The following MCHR2 variants were observed in gnomAD, a reference collection of about 807,000 sequenced individuals.
MCHR2 encodes the protein melanin concentrating hormone receptor 2.
In MCHR2, 15 loss-of-function variants were observed where a neutral mutation model predicts 24.8. That is an observed-to-expected ratio of 0.60 (90% CI 0.40 to 0.93). The LOEUF is 0.93. Ranked by LOEUF, MCHR2 falls within the 40% of genes least tolerant of loss-of-function variation. The pLI is 0.00. For synonymous variants in MCHR2, 151 were observed against 147.6 expected (o/e 1.02, Z -0.17); for missense variants, 386 against 408.7 (o/e 0.94, Z 0.48).
At chr6:99,964,816 TGGATG>T (rs1249875185) in intron 1 of MCHR2, among the ~76,000 whole-genome samples, 1 of 152,094 alleles carries the variant, frequency 6.6e-6, no homozygotes, top group Non-Finnish European at 1.5e-5. Context: ...TATATAGCAC[TGGATG>T]GGAACAGACT....
At chr6:99,985,258 C>A (rs566211563) in intron 1 of MCHR2, among the ~76,000 whole-genome samples, 1 of 152,038 alleles carries the variant, frequency 6.6e-6, no homozygotes, top group Non-Finnish European at 1.5e-5. Flanking sequence ...CTGCCCAAAA[C>A]AATCTACAGA....
At chr6:99,988,895 AT>A (rs1775815393) in intron 1 of MCHR2, among the ~76,000 whole-genome samples, 1 of 152,182 alleles carries the variant, frequency 6.6e-6, no homozygotes, top group South Asian at 2.1e-4. Context: ...CTCTTCCAGA[AT>A]GGCCATCAGG....
chr6:99,931,501 G>T (rs2114499875), intron 5 of MCHR2, among the ~76,000 whole-genome samples: 1 of 152,274 alleles, frequency 6.6e-6, no homozygotes, highest in South Asian at 2.1e-4. Context: ...CCCAGTTCGA[G>T]CTTCCAGGCT....
At chr6:99,956,297 TC>T in intron 1 of MCHR2, 123 bp from the exon 2 acceptor site, 1 of 678,660 alleles carries the variant, frequency 1.5e-6, no homozygotes, top group Non-Finnish European at 2.4e-6. Context: ...GAACACAGGA[TC>T]CCAGGGTGAG....
chr6:99,921,687 G>A (rs1383234018), intron 5 of MCHR2, among the ~76,000 whole-genome samples: 3 of 152,100 alleles, frequency 2.0e-5, no homozygotes, highest in Admixed American at 2.0e-4. Flanking sequence ...TAGTCACCTT[G>A]TTGTGCTATC....
chr6:99,940,950 G>A (rs1014229165), intron 4 of MCHR2, among the ~76,000 whole-genome samples: 32 of 152,064 alleles, frequency 2.1e-4, no homozygotes, highest in African/African-American at 7.7e-4. Context: ...TGTCTCCTTT[G>A]GCTGAGTTAC....
At chr6:99,926,546 A>G (rs566166802) in intron 5 of MCHR2, among the ~76,000 whole-genome samples, 13 of 152,124 alleles carry the variant, frequency 8.5e-5, no homozygotes, top group Non-Finnish European at 1.5e-4. Flanking sequence ...GTGAGATGGT[A>G]TCTCATTGTG....
At chr6:99,943,323 T>G (rs1355767125) in intron 3 of MCHR2, among the ~76,000 whole-genome samples, 180 bp from the exon 4 acceptor site, 1 of 150,446 alleles carries the variant, frequency 6.6e-6, no homozygotes, top group Non-Finnish European at 1.5e-5. Flanking sequence ...TTTTTTTAAA[T>G]TTTTATTTAT....
chr6:99,971,742 C>T (rs894634764), intron 1 of MCHR2, among the ~76,000 whole-genome samples: 1 of 152,156 alleles, frequency 6.6e-6, no homozygotes. Flanking sequence ...CCCACCAATA[C>T]CTAATTTATT....
intron 1 of MCHR2, among the ~76,000 whole-genome samples, chr6:99,972,815 A>T (rs542330699): frequency 2.0e-5 from 3 of 152,038 alleles, no homozygotes; most frequent in African/African-American, 7.2e-5. Flanking sequence ...TCATTTTGTT[A>T]TGTACCCAGT....
chr6:99,944,077 T>A (rs1582382940), intron 3 of MCHR2, among the ~76,000 whole-genome samples: 2 of 152,190 alleles, frequency 1.3e-5, no homozygotes, highest in South Asian at 4.1e-4. Context: ...GTATGGCTAG[T>A]ATAGACAATG....
At chr6:99,971,181 T>A (rs1369539996) in intron 1 of MCHR2, among the ~76,000 whole-genome samples, 2 of 152,250 alleles carry the variant, frequency 1.3e-5, no homozygotes, top group Non-Finnish European at 2.9e-5. Context: ...ATATTGATTC[T>A]TCCTACCCAT....
At chr6:99,930,833 C>T (rs1774506000) in intron 5 of MCHR2, among the ~76,000 whole-genome samples, 1 of 152,224 alleles carries the variant, frequency 6.6e-6, no homozygotes, top group South Asian at 2.1e-4. Flanking sequence ...GACTTCTTCT[C>T]TCAACTCGTC....
chr6:99,989,292 G>A (rs1582416497), intron 1 of MCHR2, among the ~76,000 whole-genome samples: 1 of 151,978 alleles, frequency 6.6e-6, no homozygotes, highest in Non-Finnish European at 1.5e-5. Context: ...CATGAAGGAA[G>A]ACATAAAAAA....
intron 5 of MCHR2, among the ~76,000 whole-genome samples, chr6:99,933,845 T>C (rs941082253): frequency 3.3e-5 from 5 of 152,090 alleles, no homozygotes; most frequent in African/African-American, 1.2e-4. Context: ...GTGAAAATAA[T>C]TTAGATTTAT....
chr6:99,992,034 A>C (rs1020870947), intron 1 of MCHR2, among the ~76,000 whole-genome samples: 1 of 152,220 alleles, frequency 6.6e-6, no homozygotes, highest in Non-Finnish European at 1.5e-5. Flanking sequence ...ATTGGAGATG[A>C]GTAAATTGGA....
chr6:99,979,121 C>T (rs943056534), intron 1 of MCHR2, among the ~76,000 whole-genome samples: 1 of 152,104 alleles, frequency 6.6e-6, no homozygotes, highest in South Asian at 2.1e-4. Context: ...AACAATTTTT[C>T]AGTTGATAGT....
At chr6:99,934,057 T>G (rs1774599824) in intron 5 of MCHR2, among the ~76,000 whole-genome samples, 1 of 152,078 alleles carries the variant, frequency 6.6e-6, no homozygotes, top group African/African-American at 2.4e-5. Flanking sequence ...ACATAACATC[T>G]AAGATATTTA....
At chr6:99,932,083 G>T (rs1325045854) in intron 5 of MCHR2, among the ~76,000 whole-genome samples, 1 of 152,114 alleles carries the variant, frequency 6.6e-6, no homozygotes, top group Non-Finnish European at 1.5e-5. Context: ...TAGTTCATCT[G>T]GGAAAGTCTT....
Sources: gnomAD v4.1 joint callset for allele counts (sites outside exome capture counted in the v4.1 genomes callset) on GRCh38, gnomAD v4.1.1 for gene constraint, MANE v1.5 for transcripts, NCBI Gene and HGNC (gene_info 2026-07-23, HGNC 2026-07-21) for gene names.